Variants in CCDC85A observed in about 807,000 individuals in gnomAD.
CCDC85A encodes the protein coiled-coil domain containing 85A.
In CCDC85A, 38 loss-of-function variants were observed where a neutral mutation model predicts 50.2. The ratio of observed to expected loss-of-function variants is 0.76; its 90% CI spans 0.58 to 0.99. CCDC85A has a LOEUF of 0.99. Ranked by LOEUF, CCDC85A falls within the 50% of genes least tolerant of loss-of-function variation. CCDC85A has a pLI of 0.00. For missense variants in CCDC85A, 820 were observed against 742.0 expected (o/e 1.11, Z -1.22); for synonymous variants, 366 against 301.4 (o/e 1.21, Z -2.22).
intron 2 of CCDC85A, among the ~76,000 whole-genome samples, chr2:56,265,130 C>T (rs192216091): frequency 1.3e-5 from 2 of 152,180 alleles, no homozygotes; most frequent in East Asian, 3.9e-4. Context: ...ATGCTCCTGG[C>T]ATTCCCAAGC....
At chr2:56,224,504 C>G (rs1431098162) in intron 2 of CCDC85A, among the ~76,000 whole-genome samples, 1 of 152,152 alleles carries the variant, frequency 6.6e-6, no homozygotes, top group Non-Finnish European at 1.5e-5. Flanking sequence ...GCCACATGAT[C>G]TATGTGTAAC....
At chr2:56,250,777 A>G (rs1206872036) in intron 2 of CCDC85A, among the ~76,000 whole-genome samples, 1 of 152,222 alleles carries the variant, frequency 6.6e-6, no homozygotes, top group Non-Finnish European at 1.5e-5. Flanking sequence ...TTGAGTTATC[A>G]TTTGTCATTG....
intron 2 of CCDC85A, among the ~76,000 whole-genome samples, chr2:56,290,992 G>A (rs375725174): frequency 5.3e-5 from 8 of 152,322 alleles, no homozygotes; most frequent in Admixed American, 2.6e-4. Context: ...GTAGTGTTTT[G>A]CAGATTCATT....
At chr2:56,214,966 T>C (rs374231739) in intron 2 of CCDC85A, among the ~76,000 whole-genome samples, 1 of 152,088 alleles carries the variant, frequency 6.6e-6, no homozygotes, top group Non-Finnish European at 1.5e-5. Context: ...TTGGGAAGAA[T>C]TGATACTTTA....
intron 2 of CCDC85A, among the ~76,000 whole-genome samples, chr2:56,296,503 A>G (rs1193268726): frequency 1.3e-5 from 2 of 152,076 alleles, no homozygotes; most frequent in African/African-American, 4.8e-5. Flanking sequence ...ATTATTTTTT[A>G]CTTACATGGA....
chr2:56,247,398 T>G (rs1276354879), intron 2 of CCDC85A, among the ~76,000 whole-genome samples: 1 of 152,210 alleles, frequency 6.6e-6, no homozygotes, highest in Non-Finnish European at 1.5e-5. Flanking sequence ...GAAAGATATA[T>G]TTTCCTTCTG....
At chr2:56,381,638 A>T (rs1313145687) in intron 5 of CCDC85A, among the ~76,000 whole-genome samples, 2 of 152,078 alleles carry the variant, frequency 1.3e-5, no homozygotes, top group South Asian at 2.1e-4. Flanking sequence ...TCCTTTGAGG[A>T]CCTTTCCTGA....
rs186042476 is a variant in CCDC85A, at chr2:56,259,422, C to T, written c.1240+65982C>T. 5.4e-4 allele frequency among the ~76,000 whole-genome samples: 82 copies of T among 152,256 alleles called. 1 individual carries two copies. The Middle Eastern group carries it at 0.017, about 32-fold the overall frequency. ...CAGCCTATTGCTCCAGTGCCTCCCT[C>T]GCTGGGCTCAGGCCTCTCCAATCCC... On this transcript the variant is annotated intron_variant, in intron 2 of 5. Coordinates refer to ENST00000407595, the MANE Select transcript of CCDC85A (RefSeq NM_001080433.2).
At chr2:56,275,338 G>A (rs745460747) in intron 2 of CCDC85A, among the ~76,000 whole-genome samples, 72 of 152,100 alleles carry the variant, frequency 4.7e-4, no homozygotes, top group Non-Finnish European at 8.4e-4. Flanking sequence ...TTTGTAGAGT[G>A]CCTCTCTTGG....
At chr2:56,255,419 G>A (rs1669940899) in intron 2 of CCDC85A, among the ~76,000 whole-genome samples, 1 of 152,148 alleles carries the variant, frequency 6.6e-6, no homozygotes, top group African/African-American at 2.4e-5. Context: ...CCATTCACAA[G>A]GTTGAGGAAG....
chr2:56,299,013 T>C (rs1672082194), intron 2 of CCDC85A, among the ~76,000 whole-genome samples: 2 of 152,166 alleles, frequency 1.3e-5, no homozygotes, highest in South Asian at 2.1e-4. Flanking sequence ...GTAGCAAATC[T>C]AGTCACCTTG....
At chr2:56,361,040 T>C (rs1395211083) in intron 3 of CCDC85A, among the ~76,000 whole-genome samples, 2 of 152,040 alleles carry the variant, frequency 1.3e-5, no homozygotes, top group African/African-American at 4.8e-5. Flanking sequence ...GATCACAAGG[T>C]CAGGAGATCG....
At chr2:56,364,718 C>T (rs958763787) in intron 3 of CCDC85A, among the ~76,000 whole-genome samples, 1 of 152,176 alleles carries the variant, frequency 6.6e-6, no homozygotes, top group African/African-American at 2.4e-5. Context: ...GATAGTCATC[C>T]TGGATAACTC....
intron 2 of CCDC85A, among the ~76,000 whole-genome samples, chr2:56,251,484 G>C (rs1669754571): frequency 6.6e-6 from 1 of 152,106 alleles, no homozygotes; most frequent in Admixed American, 6.6e-5. Context: ...TATTTTCTGT[G>C]GGTTCTGCTG....
intron 2 of CCDC85A, among the ~76,000 whole-genome samples, chr2:56,257,679 AACTC>A (rs758217165): frequency 1.3e-5 from 2 of 152,176 alleles, no homozygotes; most frequent in Non-Finnish European, 2.9e-5. Context: ...ATTTAAAAGA[AACTC>A]AATCAGGTGT....
At chr2:56,196,745 A>G (rs1406812429) in intron 2 of CCDC85A, among the ~76,000 whole-genome samples, 1 of 152,230 alleles carries the variant, frequency 6.6e-6, no homozygotes, top group African/African-American at 2.4e-5. Flanking sequence ...CCCACTGGAC[A>G]TAATGAATGC....
chr2:56,326,011 A>G lies in CCDC85A; in HGVS notation c.1241-16868A>G, dbSNP rs34712156. On this transcript the variant is annotated intron_variant, in intron 2 of 5. Coordinates refer to ENST00000407595, the MANE Select transcript of CCDC85A (RefSeq NM_001080433.2). Reference sequence around the variant, plus strand: ...CTAAGGGATAGTGTTGCATTCAAGTATAATGATAAGGAAGAGGGTTTAAAT... The same window carrying G: ...CTAAGGGATAGTGTTGCATTCAAGTGTAATGATAAGGAAGAGGGTTTAAAT... 2.6e-3 allele frequency among the ~76,000 whole-genome samples: 401 copies of G among 152,280 alleles called. 2 individuals carry two copies. Among genetic ancestry groups the G allele is most frequent in the African/African-American group, 8.5e-3 (355 of 41,572 alleles).
At chr2:56,225,317 T>G (rs923533947) in intron 2 of CCDC85A, among the ~76,000 whole-genome samples, 2 of 152,120 alleles carry the variant, frequency 1.3e-5, no homozygotes, top group African/African-American at 4.8e-5. Flanking sequence ...TCCCAGCTAC[T>G]TGGGAGGCTG....
rs756395866 is a variant in CCDC85A, at chr2:56,375,810, A to G, written c.1453-6A>G. ...TTAATAACAAAGTTGTTGATTTTCT[A>G]CTAAGGGTTCTTTTAGGTTGTCATC... is the stretch of plus-strand genomic sequence containing the variant. On this transcript the variant is annotated splice_polypyrimidine_tract_variant and splice_region_variant and intron_variant, in intron 4 of 5. Transcript: ENST00000407595. 3.1e-6 allele frequency: 5 copies of G among 1,613,104 alleles called. No homozygotes were observed. The East Asian group carries it at 1.1e-4, about 36-fold the overall frequency.
Sources: gnomAD v4.1 joint callset for allele counts (sites outside exome capture counted in the v4.1 genomes callset) on GRCh38, gnomAD v4.1.1 for gene constraint, MANE v1.5 for transcripts, NCBI Gene and HGNC (gene_info 2026-07-23, HGNC 2026-07-21) for gene names.